Variants in PCDHA12 observed in about 807,000 individuals in gnomAD.
PCDHA12 encodes protocadherin alpha 12.
A neutral mutation model predicts 60.0 loss-of-function variants in PCDHA12; 44 were observed. The observed-to-expected ratio is 0.73, with a 90% CI of 0.58 to 0.94. PCDHA12 has a LOEUF of 0.94. PCDHA12 is among the 40% of genes least tolerant of loss of function. PCDHA12 has a pLI of 0.00. For synonymous variants in PCDHA12, 569 were observed against 553.0 expected (o/e 1.03, Z -0.40); for missense variants, 1,276 against 1,239.7 (o/e 1.03, Z -0.44).
rs782637341 is a variant in PCDHA12, at chr5:141,010,225, C to A, written c.*288C>A. Reference sequence around the variant, plus strand: ...CCGCCGCAAAGGAGAGGCTTCCCAGCCCCGCCAGTGAGAGGTTGGACTCTC... The same window carrying A: ...CCGCCGCAAAGGAGAGGCTTCCCAGACCCGCCAGTGAGAGGTTGGACTCTC... On this transcript the variant is annotated 3_prime_UTR_variant, in exon 4 of 4. Transcript: ENST00000398631. 11 of 1,551,730 alleles carry A rather than the reference C, an allele frequency of 7.1e-6. No homozygotes were observed. The highest frequency in any genetic ancestry group is 8.7e-6 in the Non-Finnish European group (10 of 1,147,034).
Position 140,928,044 on chromosome 5 carries a change from T to C in PCDHA12, c.2367+50205T>C, listed in dbSNP as rs782342331. The C allele has an allele frequency of 4.6e-5, 75 of 1,614,078 alleles. 1 individual carries two copies. The highest frequency in any genetic ancestry group is 3.0e-4 in the Admixed American group (18 of 60,006). On this transcript the variant is annotated intron_variant, in intron 1 of 3. Transcript: ENST00000398631. The stretch of plus-strand genomic sequence containing the variant: ...TTTGTGGCATGTCTAGTGCAGGCCC[T>C]TTTCAGCTGACGGCTTCCTTTGACA...
At chr5:140,904,152 C>T (rs782254163) in intron 1 of PCDHA12, among the ~76,000 whole-genome samples, 16 of 152,024 alleles carry the variant, frequency 1.1e-4, no homozygotes, top group Non-Finnish European at 2.2e-4. Context: ...ATACATTGCA[C>T]CCAGTTTGTA....
chr5:140,972,515 G>A (rs572041832), intron 1 of PCDHA12, among the ~76,000 whole-genome samples: 1 of 152,166 alleles, frequency 6.6e-6, no homozygotes, highest in South Asian at 2.1e-4. Flanking sequence ...TTTACCCCCA[G>A]TGAGCTTATT....
At chr5:141,003,968 G>A (rs1262948428) in intron 3 of PCDHA12, among the ~76,000 whole-genome samples, 1 of 152,148 alleles carries the variant, frequency 6.6e-6, no homozygotes, top group Non-Finnish European at 1.5e-5. Flanking sequence ...GGAGCATAAG[G>A]GAGGGGACTT....
chr5:140,897,199 A>G (rs760377746), intron 1 of PCDHA12, among the ~76,000 whole-genome samples: 1 of 152,030 alleles, frequency 6.6e-6, no homozygotes, highest in Admixed American at 6.6e-5. Flanking sequence ...TTTTTTTATT[A>G]TACTTTAAGT....
At position 140,877,487 on chromosome 5, in the gene PCDHA12, A is replaced by C. The variant is rs1293347310; in HGVS notation, c.2015A>C (p.Asn672Thr). 6.2e-7 allele frequency: 1 copy of C among 1,613,704 alleles called. No homozygotes were observed. Among genetic ancestry groups the C allele is most frequent in the African/African-American group, 1.3e-5 (1 of 74,924 alleles). ...TATVLVSLVE[N>T]GQAPKTSSRA... ...ACGGTGCTGGTGTCGCTGGTGGAGA[A>C]CGGCCAGGCCCCAAAGACGTCGTCG... Residue 672 changes from asparagine to threonine, a missense_variant, in exon 1 of 4, where the codon AAC becomes ACC. Asn to Thr is a moderately conservative substitution (Grantham distance 65, BLOSUM62 0). Coordinates refer to ENST00000398631, the MANE Select transcript of PCDHA12 (RefSeq NM_018903.4).
chr5:140,924,472 G>A (rs938412564), intron 1 of PCDHA12, among the ~76,000 whole-genome samples: 1 of 152,188 alleles, frequency 6.6e-6, no homozygotes, highest in African/African-American at 2.4e-5. Flanking sequence ...GAGGTAACTG[G>A]TTTTTAGTGG....
In PCDHA12 at chr5:140,971,075, T is replaced by C. The variant is rs560795307; in HGVS notation, c.2368-7874T>C. 1.4e-4 allele frequency among the ~76,000 whole-genome samples: 22 copies of C among 152,322 alleles called. No homozygotes were observed. The South Asian group carries it at 3.7e-3, about 26-fold the overall frequency. ...CTTTAAATAAGGTTGCTGTAGACAT[T>C]TGCTTAACAAATTCTTGTGAAGCCC... is the stretch of plus-strand genomic sequence containing the variant. On this transcript the variant is annotated intron_variant, in intron 1 of 3. Transcript: ENST00000398631.
At chr5:140,904,164 T>A (rs1475689291) in intron 1 of PCDHA12, among the ~76,000 whole-genome samples, 2 of 152,078 alleles carry the variant, frequency 1.3e-5, no homozygotes, top group South Asian at 4.1e-4. Flanking sequence ...CAGTTTGTAG[T>A]CTTTTATTCC....
chr5:140,920,029 T>G (rs1584162393), intron 1 of PCDHA12, among the ~76,000 whole-genome samples: 1 of 152,118 alleles, frequency 6.6e-6, no homozygotes, highest in African/African-American at 2.4e-5. Flanking sequence ...GAGACAGAGA[T>G]TGGAGTGATG....
rs2056553251 is a variant in PCDHA12 at position 140,876,750 on chromosome 5, T to C, written c.1278T>C (p.Thr426=). 4.3e-6 allele frequency: 7 copies of C among 1,614,238 alleles called. No homozygotes were observed. The highest frequency in any genetic ancestry group is 1.3e-5 in the African/African-American group (1 of 75,068). ...ESVSAYELVV[T]ARDGGSPSLW... The stretch of plus-strand genomic sequence containing the variant: ...TGTCGGCCTATGAGCTGGTGGTGAC[T>C]GCGCGGGATGGGGGCTCGCCTTCGC... Residue 426 remains threonine, a synonymous_variant, in exon 1 of 4, where the codon ACT becomes ACC. Transcript: ENST00000398631.
chr5:140,979,076 C>T, intron 2 of PCDHA12, 69 bp downstream of exon 2: 1 of 1,584,068 alleles, frequency 6.3e-7, no homozygotes, highest in Non-Finnish European at 8.6e-7. Flanking sequence ...AACTGCATCT[C>T]CATAGGCCAG....
At chr5:140,947,436 G>C (rs269551) in intron 1 of PCDHA12, among the ~76,000 whole-genome samples, 37,364 of 151,424 alleles carry the variant, frequency 0.25, 5,790 homozygotes, top group African/African-American at 0.44. Flanking sequence ...TTGAAAATCA[G>C]CTGTGAAATC....
chr5:140,925,124 A>AGGAAGGAAGGAAGGAAGGAAGG, intron 1 of PCDHA12, among the ~76,000 whole-genome samples: 1 of 151,856 alleles, frequency 6.6e-6, no homozygotes, highest in South Asian at 2.1e-4. Flanking sequence ...GAAGGAAGGA[A>AGGAAGGAAGGAAGGAAGGAAGG]AAAAAATTTC....
chr5:140,882,628 G>A (rs1554174947), intron 1 of PCDHA12: 9 of 1,614,252 alleles, frequency 5.6e-6, no homozygotes, highest in Non-Finnish European at 7.6e-6. Flanking sequence ...TCCATGTGGA[G>A]GTGAAGGTGA....
chr5:140,928,108 G>A (rs782166106), intron 1 of PCDHA12: 5 of 1,614,072 alleles, frequency 3.1e-6, no homozygotes, highest in Admixed American at 3.3e-5. Context: ...CCTGGACCGG[G>A]AGCAGATCAG....
rs915171063 is a variant in PCDHA12 at position 140,977,108 on chromosome 5, T to C, written c.2368-1841T>C. On this transcript the variant is annotated intron_variant, in intron 1 of 3. Transcript: ENST00000398631. ...AAATGTGTCATTGGGGAAGTGAGAT[T>C]GTATAATGAACTGAGTTTCCTGGTC... 6.6e-5 allele frequency among the ~76,000 whole-genome samples: 10 copies of C among 152,302 alleles called. No homozygotes were observed. The East Asian group carries it at 1.9e-3, about 29-fold the overall frequency.
At chr5:140,914,290 T>A (rs1412561039) in intron 1 of PCDHA12, among the ~76,000 whole-genome samples, 1 of 152,200 alleles carries the variant, frequency 6.6e-6, no homozygotes, top group Non-Finnish European at 1.5e-5. Context: ...AATTGTTATA[T>A]CCTCTTGCTG....
intron 1 of PCDHA12, among the ~76,000 whole-genome samples, chr5:140,921,611 A>C (rs781805165): frequency 6.6e-6 from 1 of 152,224 alleles, no homozygotes; most frequent in Non-Finnish European, 1.5e-5. Context: ...AATAAGAAAA[A>C]TATCATCAGA....
Sources: gnomAD v4.1 joint callset for allele counts (sites outside exome capture counted in the v4.1 genomes callset) on GRCh38, gnomAD v4.1.1 for gene constraint, MANE v1.5 for transcripts, NCBI Gene and HGNC (gene_info 2026-07-23, HGNC 2026-07-21) for gene names.